IRF2: variants seen among roughly 807,000 people sequenced by gnomAD.
IRF2 encodes interferon regulatory factor 2.
A neutral mutation model predicts 40.6 loss-of-function variants in IRF2; 15 were observed. The ratio of observed to expected loss-of-function variants is 0.37; its 90% CI spans 0.25 to 0.57. The LOEUF is 0.57. IRF2 is among the 20% of genes least tolerant of loss of function. The pLI is 0.77. For missense variants in IRF2, 317 were observed against 455.7 expected, an observed-to-expected ratio of 0.70 and a Z score of 2.77; for synonymous variants, 151 against 165.5, an observed-to-expected ratio of 0.91 and a Z score of 0.67.
intron 1 of IRF2, among the ~76,000 whole-genome samples, chr4:184,452,524 C>T (rs1256613949): frequency 1.3e-5 from 2 of 152,122 alleles, no homozygotes; most frequent in African/African-American, 2.4e-5. Context: ...TGCCTGCTTT[C>T]GCCCCCAGCT....
chr4:184,451,540 C>T (rs1738714937), intron 1 of IRF2, among the ~76,000 whole-genome samples: 1 of 152,198 alleles, frequency 6.6e-6, no homozygotes, highest in African/African-American at 2.4e-5. Context: ...AAAGCTGACT[C>T]TAGGTCATCA....
intron 1 of IRF2, among the ~76,000 whole-genome samples, chr4:184,471,337 C>A (rs1328093756): frequency 6.6e-6 from 1 of 152,204 alleles, no homozygotes; most frequent in Non-Finnish European, 1.5e-5. Context: ...CACCAGAACA[C>A]AACCTAGTGT....
intron 4 of IRF2, 136 bp from the exon 5 acceptor site, chr4:184,418,349 A>G (rs565946295): frequency 8.4e-6 from 8 of 954,766 alleles, no homozygotes; most frequent in African/African-American, 6.6e-5. Context: ...TTCCACATGT[A>G]TCTTTCACTG....
At chr4:184,412,334 T>C (rs906213431) in intron 5 of IRF2, among the ~76,000 whole-genome samples, 12 of 152,074 alleles carry the variant, frequency 7.9e-5, no homozygotes, top group African/African-American at 2.4e-4. Context: ...TGAATGGGCT[T>C]GGGGACAGAC....
chr4:184,450,939 C>T (rs1221686109), intron 1 of IRF2, among the ~76,000 whole-genome samples: 2 of 152,192 alleles, frequency 1.3e-5, no homozygotes, highest in African/African-American at 2.4e-5. Flanking sequence ...ACATGCCCTC[C>T]TCCTCCACGG....
chr4:184,472,763 G>A (rs995141641), intron 1 of IRF2, among the ~76,000 whole-genome samples: 2 of 152,174 alleles, frequency 1.3e-5, no homozygotes, highest in East Asian at 1.9e-4. Flanking sequence ...GAGCTACCTC[G>A]GCCGCCAGTC....
intron 1 of IRF2, among the ~76,000 whole-genome samples, chr4:184,444,084 AG>A (rs1738412750): frequency 6.6e-6 from 1 of 152,184 alleles, no homozygotes; most frequent in Non-Finnish European, 1.5e-5. Flanking sequence ...CAGCCCCCTA[AG>A]GGCAGGGCAG....
intron 1 of IRF2, among the ~76,000 whole-genome samples, chr4:184,449,953 C>T (rs1393750156): frequency 6.6e-6 from 1 of 152,116 alleles, no homozygotes; most frequent in Non-Finnish European, 1.5e-5. Flanking sequence ...CTGGAAACAC[C>T]AGGATGTGAG....
At chr4:184,418,494 A>G in intron 4 of IRF2, 38 bp downstream of exon 4, 3 of 1,588,964 alleles carry the variant, frequency 1.9e-6, no homozygotes, top group African/African-American at 1.3e-5. Context: ...CGATGACACA[A>G]ATTGATTTAC....
intron 1 of IRF2, among the ~76,000 whole-genome samples, chr4:184,429,563 G>A (rs894053623): frequency 6.6e-6 from 1 of 152,122 alleles, no homozygotes; most frequent in Admixed American, 6.5e-5. Flanking sequence ...AACATTTAAA[G>A]CTCGAAAGGA....
At chr4:184,444,194 TG>T (rs1265269293) in intron 1 of IRF2, among the ~76,000 whole-genome samples, 1 of 152,100 alleles carries the variant, frequency 6.6e-6, no homozygotes, top group East Asian at 1.9e-4. Flanking sequence ...GTATATGAGA[TG>T]AGGAGAGGAA....
At chr4:184,401,995 G>A (rs555046767) in intron 6 of IRF2, among the ~76,000 whole-genome samples, 1 of 152,208 alleles carries the variant, frequency 6.6e-6, no homozygotes, top group South Asian at 2.1e-4. Flanking sequence ...TCCCCATGAC[G>A]TCCTAGTCGG....
intron 1 of IRF2, among the ~76,000 whole-genome samples, chr4:184,452,770 C>CAAAAAAAAAAAAAAAAAAAAAAAAAA (rs530415114): frequency 7.4e-5 from 4 of 53,824 alleles, no homozygotes; most frequent in Admixed American, 2.8e-4. Context: ...GACCCTGTCT[C>CAAAAAAAAAAAAAAAAAAAAAAAAAA]AAAAAAAAAA....
At chr4:184,398,431 C>T (rs752711669) in intron 7 of IRF2, among the ~76,000 whole-genome samples, 28 of 152,026 alleles carry the variant, frequency 1.8e-4, no homozygotes, top group Non-Finnish European at 2.9e-4. Context: ...CCAAGGTGGG[C>T]GGATCACCTG....
At chr4:184,433,661 G>T (rs956693484) in intron 1 of IRF2, among the ~76,000 whole-genome samples, 2 of 152,086 alleles carry the variant, frequency 1.3e-5, no homozygotes, top group African/African-American at 4.8e-5. Flanking sequence ...GCTTGGGTTG[G>T]TTGGTTGGTT....
intron 1 of IRF2, among the ~76,000 whole-genome samples, chr4:184,455,261 C>T (rs1738874994): frequency 1.0e-5 from 1 of 95,278 alleles, no homozygotes; most frequent in South Asian, 4.7e-4. Context: ...CCTCCCCCTT[C>T]CCTCCCTCTC....
chr4:184,435,977 CT>C (rs1424655021), intron 1 of IRF2, among the ~76,000 whole-genome samples: 1 of 132,664 alleles, frequency 7.5e-6, no homozygotes, highest in East Asian at 2.4e-4. Context: ...TTTTCTTTTT[CT>C]TTTTTCTTTT....
At chr4:184,418,870 A>T (rs1250387241) in intron 3 of IRF2, among the ~76,000 whole-genome samples, 162 bp from the exon 4 acceptor site, 2 of 152,018 alleles carry the variant, frequency 1.3e-5, no homozygotes, top group Non-Finnish European at 2.9e-5. Flanking sequence ...GGGGGTGAGA[A>T]AGTTCTTGGG....
intron 2 of IRF2, among the ~76,000 whole-genome samples, chr4:184,421,154 A>C (rs1737468295): frequency 6.6e-6 from 1 of 152,242 alleles, no homozygotes; most frequent in East Asian, 1.9e-4. Context: ...ACATAGTGAA[A>C]CACAGAAAGG....
Sources: gnomAD v4.1 joint callset for allele counts (sites outside exome capture counted in the v4.1 genomes callset) on GRCh38, gnomAD v4.1.1 for gene constraint, MANE v1.5 for transcripts, NCBI Gene and HGNC (gene_info 2026-07-23, HGNC 2026-07-21) for gene names.